SRRM4: variants seen among roughly 807,000 people sequenced by gnomAD.
The protein encoded by SRRM4 is serine/arginine repetitive matrix 4, also known as serine/arginine repetitive matrix protein 4.
In SRRM4, 33 loss-of-function variants were observed where a neutral mutation model predicts 68.9. The ratio of observed to expected loss-of-function variants is 0.48; its 90% CI spans 0.36 to 0.64. The LOEUF (loss-of-function observed/expected upper bound fraction) is 0.64. SRRM4 is among the 30% of genes least tolerant of loss of function. The pLI, the probability that SRRM4 is intolerant of heterozygous loss-of-function variation, is 0.00. For synonymous variants in SRRM4, 318 were observed against 318.8 expected, an observed-to-expected ratio of 1.00 and a Z score of 0.03; for missense variants, 817 against 827.1, an observed-to-expected ratio of 0.99 and a Z score of 0.15.
rs150815468 is a variant in SRRM4 at position 119,122,466 on chromosome 12, TGTGTGTGCCTG to T, written c.515+353_515+363del. 5.8e-3 allele frequency among the ~76,000 whole-genome samples: 885 copies of T among 152,216 alleles called. 8 individuals are homozygous for T. Among genetic ancestry groups the T allele is most frequent in the African/African-American group, 0.019 (795 of 41,540 alleles). On this transcript the variant is annotated intron_variant, in intron 6 of 12. Coordinates refer to ENST00000267260, the MANE Select transcript of SRRM4 (RefSeq NM_194286.4). ...TGTTTATGTTGCATGAAAGGGTGCATGTGTGTGCCTGGTGTGTCCCTTATGAGTATACCTTG... is the reference window on the plus strand; with the variant it reads ...TGTTTATGTTGCATGAAAGGGTGCATGTGTGTCCCTTATGAGTATACCTTG...
chr12:119,156,806 T>C lies in SRRM4; in HGVS notation c.*8T>C. ...TCCAGCACGAGGCGCTAAGTGCCCC[T>C]GAGCCAGCTGCCCGTGGGGGCCCCT... On this transcript the variant is annotated 3_prime_UTR_variant, in exon 13 of 13. Transcript: ENST00000267260. The C allele has an allele frequency of 6.6e-7, 1 of 1,515,820 alleles. No homozygotes were observed. Among genetic ancestry groups the C allele is most frequent in the Non-Finnish European group, 8.8e-7 (1 of 1,132,992 alleles). 93.9% of individuals were successfully genotyped at this position (1,515,820 alleles called of 1,614,324 possible). A position where few individuals can be genotyped will look rare whatever the true frequency, so the allele number is the denominator to read the frequency against.
chr12:119,089,000 G>C lies in SRRM4; in HGVS notation c.132-13236G>C, dbSNP rs76527939. 7.7e-3 allele frequency among the ~76,000 whole-genome samples: 1,173 copies of C among 152,200 alleles called. 11 individuals are homozygous for C. The highest frequency in any genetic ancestry group is 0.026 in the African/African-American group (1,098 of 41,528). On this transcript the variant is annotated intron_variant, in intron 1 of 12. Coordinates refer to ENST00000267260, the MANE Select transcript of SRRM4 (RefSeq NM_194286.4). ...AGAAGAGAGATGAAGTGACTCGCCCGGGATCACAGCTTGAAAATGGCAGGA... is the reference window on the plus strand; with the variant it reads ...AGAAGAGAGATGAAGTGACTCGCCCCGGATCACAGCTTGAAAATGGCAGGA...
chr12:119,050,544 T>G (rs750722609), intron 1 of SRRM4, among the ~76,000 whole-genome samples: 3 of 152,246 alleles, frequency 2.0e-5, no homozygotes, highest in South Asian at 2.1e-4. Context: ...ATGGTGGAAC[T>G]TGCAGCAGAG....
intron 8 of SRRM4, chr12:119,132,507 A>T (rs1196767074): frequency 6.6e-6 from 1 of 152,238 alleles, no homozygotes; most frequent in African/African-American, 2.4e-5. Flanking sequence ...CATTGGAAGC[A>T]ACTGGCTTAT....
intron 1 of SRRM4, among the ~76,000 whole-genome samples, chr12:119,059,679 T>C (rs1953798744): frequency 1.3e-5 from 2 of 152,172 alleles, no homozygotes; most frequent in Admixed American, 1.3e-4. Flanking sequence ...CATGATCTTA[T>C]CTTAAAGGCA....
chr12:119,002,724 G>T (rs1010994435), intron 1 of SRRM4, among the ~76,000 whole-genome samples: 1 of 152,114 alleles, frequency 6.6e-6, no homozygotes, highest in African/African-American at 2.4e-5. Flanking sequence ...GGTTACCCTA[G>T]GTACCGTGTT....
At position 119,158,416 on chromosome 12, in the gene SRRM4, T is replaced by C. The variant is rs999383542; in HGVS notation, c.*1618T>C. On this transcript the variant is annotated 3_prime_UTR_variant, in exon 13 of 13. Coordinates refer to ENST00000267260, the MANE Select transcript of SRRM4 (RefSeq NM_194286.4). ...TTTCTTGGAAGCAGTGACGTCTCCC[T>C]ACCCAATCTTTCCCATCCTATCAAC... The C allele has an allele frequency of 2.6e-5, 4 of 152,346 alleles. No homozygotes were observed. The highest frequency in any genetic ancestry group is 9.6e-5 in the African/African-American group (4 of 41,468). The allele number at this position is 152,346 out of a possible 1,614,324, so 9.4% of individuals were successfully genotyped here.
At chr12:119,008,257 G>GGAC (rs1238776762) in intron 1 of SRRM4, among the ~76,000 whole-genome samples, 1 of 151,838 alleles carries the variant, frequency 6.6e-6, no homozygotes, top group African/African-American at 2.4e-5. Flanking sequence ...AGGTGTGGTG[G>GGAC]TGCATGCCTG....
At chr12:119,090,135 A>G (rs1954005093) in intron 1 of SRRM4, among the ~76,000 whole-genome samples, 1 of 152,092 alleles carries the variant, frequency 6.6e-6, no homozygotes, top group African/African-American at 2.4e-5. Flanking sequence ...TCGAGCTGAA[A>G]TGTTGATTCT....
At chr12:119,059,686 G>A (rs180869893) in intron 1 of SRRM4, among the ~76,000 whole-genome samples, 1 of 152,300 alleles carries the variant, frequency 6.6e-6, no homozygotes, top group Admixed American at 6.5e-5. Flanking sequence ...TTATCTTAAA[G>A]GCAGTGGGAG....
At position 119,154,262 on chromosome 12, in the gene SRRM4, A is replaced by G; in HGVS notation, c.1411A>G (p.Ser471Gly). The G allele has an allele frequency of 6.2e-7, 1 of 1,608,470 alleles. No individual in the cohort carries two copies. The highest frequency in any genetic ancestry group is 8.5e-7 in the Non-Finnish European group (1 of 1,177,442). ...CTTCAGGGAGCGGGATCCCAAATAC[A>G]GTGAGAAGGACTCGCAGCAGCGGGA... ...SPSRERDPKY[S>G]EKDSQQRERE... is the part of the protein sequence containing the mutation. Residue 471 changes from serine (S) to glycine (G), a missense_variant, in exon 12 of 13, where the codon AGT becomes GGT. By Grantham distance (56) the Ser-to-Gly change is moderately conservative. Coordinates refer to ENST00000267260, the MANE Select transcript of SRRM4 (RefSeq NM_194286.4). The surrounding 1 kb of genome is among the most constrained non-coding windows in gnomAD (Gnocchi z 4.7).
chr12:119,067,563 CCAGGTACAGTGGCGCGTGCCTGT>C (rs1953853546), intron 1 of SRRM4, among the ~76,000 whole-genome samples: 2 of 152,074 alleles, frequency 1.3e-5, no homozygotes, highest in Admixed American at 1.3e-4. Context: ...AAAAAATTAG[CCAGGTACAGTGGCGCGTGCCTGT>C]AATCCCAGCT....
intron 3 of SRRM4, 124 bp from the exon 4 acceptor site, chr12:119,116,813 T>C: frequency 4.5e-6 from 3 of 664,696 alleles, no homozygotes; most frequent in Non-Finnish European, 7.8e-6. Context: ...AGCATGGATA[T>C]TATCTTTGAT....
intron 1 of SRRM4, among the ~76,000 whole-genome samples, chr12:119,082,757 A>T (rs1176799049): frequency 6.6e-6 from 1 of 152,244 alleles, no homozygotes; most frequent in East Asian, 1.9e-4. Context: ...AGAGCCCTCC[A>T]GTGTAGCCTG....
chr12:118,982,450 G>A (rs1467938474), intron 1 of SRRM4, among the ~76,000 whole-genome samples: 2 of 152,058 alleles, frequency 1.3e-5, no homozygotes. Flanking sequence ...TTCCATCCTC[G>A]GCTCGGAAAC....
chr12:119,137,593 A>AGAGAGAGAGAGAGAGG lies in SRRM4; in HGVS notation c.771+6774_771+6775insGGAGAGAGAGAGAGAG, dbSNP rs1954337921. ...ATGAGGCGAGGTTTGGAGTGGAGAG[A>AGAGAGAGAGAGAGAGG]GAGAGAGAGAGAGAGAGAGAGAGAG... On this transcript the variant is annotated intron_variant, in intron 8 of 12. Coordinates refer to ENST00000267260, the MANE Select transcript of SRRM4 (RefSeq NM_194286.4). Among the ~76,000 whole-genome samples the AGAGAGAGAGAGAGAGG allele has an allele frequency of 3.0e-4, 3 of 10,046 alleles. 1 individual carries two copies. The highest frequency in any genetic ancestry group is 6.0e-4 in the African/African-American group (3 of 5,034). The allele number at this position is 10,046 out of a possible 152,430, so 6.6% of individuals were successfully genotyped here. A position where few individuals can be genotyped will look rare whatever the true frequency, so the allele number is the denominator to read the frequency against.
chr12:119,140,988 C>T (rs114230048), intron 8 of SRRM4, among the ~76,000 whole-genome samples: 4,206 of 152,224 alleles, frequency 0.028, 192 homozygotes, highest in African/African-American at 0.095. Context: ...TTGGCTCAGG[C>T]TGGAGTGCAG....
chr12:119,039,482 T>C (rs1242341487), intron 1 of SRRM4, among the ~76,000 whole-genome samples: 1 of 152,244 alleles, frequency 6.6e-6, no homozygotes, highest in Admixed American at 6.5e-5. Context: ...AGTTATTATT[T>C]GTTTGTTTAA....
At chr12:119,101,327 C>A (rs1325424802) in intron 1 of SRRM4, among the ~76,000 whole-genome samples, 2 of 152,118 alleles carry the variant, frequency 1.3e-5, no homozygotes, top group African/African-American at 2.4e-5. Context: ...AACTTCTTTG[C>A]CCTCTCAGGA....
Sources: allele counts gnomAD v4.1 joint callset (sites outside exome capture counted in the v4.1 genomes callset), GRCh38; gene constraint gnomAD v4.1.1; non-coding constraint Gnocchi (gnomAD v3.1); transcripts MANE v1.5; gene names NCBI Gene and HGNC (gene_info 2026-07-23, HGNC 2026-07-21).